MMS22L: variants seen among roughly 807,000 people sequenced by gnomAD.
MMS22L encodes protein MMS22-like.
Under a neutral mutation model 159.1 loss-of-function variants are expected in MMS22L, and 74 were observed. That is an observed-to-expected ratio of 0.47 (90% CI 0.39 to 0.56). MMS22L has a LOEUF of 0.56. Among genes scored for constraint, MMS22L ranks in the 20% least tolerant of loss-of-function variants. The pLI, the probability that MMS22L is intolerant of heterozygous loss-of-function variation, is 0.00. For missense variants in MMS22L, 1,351 were observed against 1,422.1 expected (o/e 0.95, Z 0.80); for synonymous variants, 517 against 506.9 (o/e 1.02, Z -0.27).
At chr6:97,233,614 G>C (rs1811093848) in intron 12 of MMS22L, among the ~76,000 whole-genome samples, 1 of 152,052 alleles carries the variant, frequency 6.6e-6, no homozygotes, top group Non-Finnish European at 1.5e-5. Flanking sequence ...ATAAATATCT[G>C]ATACATTTTA....
intron 14 of MMS22L, among the ~76,000 whole-genome samples, chr6:97,194,269 G>T (rs113999159): frequency 5.7e-4 from 86 of 151,496 alleles, no homozygotes; most frequent in African/African-American, 2.0e-3. Flanking sequence ...TGTTGGCCAC[G>T]ATGGTCTTGA....
intron 10 of MMS22L, among the ~76,000 whole-genome samples, chr6:97,249,419 G>A (rs1036901182): frequency 4.6e-5 from 7 of 152,132 alleles, no homozygotes; most frequent in African/African-American, 7.2e-5. Context: ...ACCTAAGGTC[G>A]TTTTGGGAAC....
At chr6:97,211,062 T>C (rs1397385637) in intron 14 of MMS22L, among the ~76,000 whole-genome samples, 2 of 152,004 alleles carry the variant, frequency 1.3e-5, no homozygotes, top group African/African-American at 4.8e-5. Flanking sequence ...CATTTTCATG[T>C]ACACAAGAGT....
chr6:97,256,915 C>A (rs778835860), intron 9 of MMS22L, among the ~76,000 whole-genome samples: 8 of 152,084 alleles, frequency 5.3e-5, no homozygotes, highest in Non-Finnish European at 1.2e-4. Flanking sequence ...CTACTGCACT[C>A]CAGACTGGGT....
intron 22 of MMS22L, among the ~76,000 whole-genome samples, chr6:97,153,937 G>A (rs1418574563): frequency 1.3e-5 from 2 of 152,058 alleles, no homozygotes; most frequent in African/African-American, 4.8e-5. Context: ...ACAAGTTTCT[G>A]TGTGGACATA....
intron 22 of MMS22L, among the ~76,000 whole-genome samples, chr6:97,155,450 C>T (rs1196376874): frequency 6.6e-6 from 1 of 152,172 alleles, no homozygotes; most frequent in Non-Finnish European, 1.5e-5. Context: ...TCTCCTAATG[C>T]TCTCCCTCCC....
At chr6:97,185,919 T>C (rs1390526031) in intron 15 of MMS22L, among the ~76,000 whole-genome samples, 1 of 152,106 alleles carries the variant, frequency 6.6e-6, no homozygotes. Context: ...AGAAATGATA[T>C]ATATGCGCAT....
At chr6:97,245,893 AT>A in intron 11 of MMS22L, 2 of 113,750 alleles carry the variant, frequency 1.8e-5, no homozygotes, top group South Asian at 6.1e-5. Flanking sequence ...ACACACACAT[AT>A]AAAGCAATAT....
At chr6:97,252,061 C>A (rs1196887046) in intron 10 of MMS22L, among the ~76,000 whole-genome samples, 1 of 147,388 alleles carries the variant, frequency 6.8e-6, no homozygotes, top group African/African-American at 2.5e-5. Flanking sequence ...CCAGCCTGGG[C>A]GACAGAGCGA....
chr6:97,213,363 G>A (rs571906594), intron 14 of MMS22L, among the ~76,000 whole-genome samples: 3 of 152,164 alleles, frequency 2.0e-5, no homozygotes, highest in South Asian at 2.1e-4. Flanking sequence ...CCAAGATCAC[G>A]CCATTGTACT....
intron 11 of MMS22L, among the ~76,000 whole-genome samples, chr6:97,240,650 G>C (rs1363442234): frequency 6.8e-6 from 1 of 147,730 alleles, no homozygotes; most frequent in African/African-American, 2.5e-5. Context: ...TTTTGAGACA[G>C]AGTTTTGCTC....
rs1800865756 is a variant in MMS22L at position 97,145,057 on chromosome 6, C to CACAA, written c.*1748_*1749insTTGT. ...ACACACACACACACACACACACACA[C>CACAA]ACACACACAAAAACACATATACACA... On this transcript the variant is annotated 3_prime_UTR_variant, in exon 25 of 25. Transcript: ENST00000683635. 1 of 146,508 alleles carries CACAA rather than the reference C, an allele frequency of 6.8e-6. No homozygotes were observed. The highest frequency in any genetic ancestry group is 2.1e-4 in the South Asian group (1 of 4,694). 9.1% of individuals were successfully genotyped at this position (146,508 alleles called of 1,614,324 possible).
intron 11 of MMS22L, among the ~76,000 whole-genome samples, chr6:97,245,745 T>C (rs1486143103): frequency 6.6e-6 from 1 of 152,028 alleles, no homozygotes; most frequent in African/African-American, 2.4e-5. Context: ...ATTCATATTA[T>C]AACTAAATGC....
intron 11 of MMS22L, among the ~76,000 whole-genome samples, chr6:97,241,905 G>A (rs763208687): frequency 2.6e-5 from 4 of 152,068 alleles, no homozygotes; most frequent in South Asian, 4.1e-4. Context: ...CCACGTATTT[G>A]TATAGTTTTC....
chr6:97,154,639 CA>C (rs991009928), intron 22 of MMS22L, among the ~76,000 whole-genome samples: 10 of 152,112 alleles, frequency 6.6e-5, no homozygotes, highest in Non-Finnish European at 1.3e-4. Flanking sequence ...TGGTAGGAAA[CA>C]AGGGTCCAAC....
intron 19 of MMS22L, among the ~76,000 whole-genome samples, chr6:97,171,909 CA>C (rs1213988432): frequency 6.6e-6 from 1 of 152,098 alleles, no homozygotes; most frequent in Non-Finnish European, 1.5e-5. Context: ...TAATTCCTAA[CA>C]AATAAATGGG....
chr6:97,204,117 G>C (rs907676390), intron 14 of MMS22L, among the ~76,000 whole-genome samples: 7 of 152,044 alleles, frequency 4.6e-5, no homozygotes, highest in African/African-American at 1.7e-4. Flanking sequence ...AGAAAAAGTT[G>C]TTGTTGTTTA....
Position 97,273,050 on chromosome 6 carries a change from G to A in MMS22L, c.353C>T (p.Thr118Ile), listed in dbSNP as rs775834570. Reference protein sequence around the residue: ...QSSCDFGKVSTLHCKADNIRQ... With the variant: ...QSSCDFGKVSILHCKADNIRQ... Reference sequence around the variant, plus strand: ...AATATTGTCTGCTTTGCAGTGTAGAGTTGATACCTTCCCTGAAACCAAAAT... The same window carrying A: ...AATATTGTCTGCTTTGCAGTGTAGAATTGATACCTTCCCTGAAACCAAAAT... The change falls in exon 5 of 25, where the codon ACT becomes ATT. Residue 118 changes from threonine to isoleucine, a missense_variant. Thr to Ile is a moderately conservative substitution (Grantham distance 89). Transcript: ENST00000683635. The A allele has an allele frequency of 6.2e-7, 1 of 1,606,422 alleles. No homozygotes were observed. Among genetic ancestry groups the A allele is most frequent in the African/African-American group, 1.3e-5 (1 of 74,590 alleles).
chr6:97,183,809 CTTTG>C (rs1804954391), intron 15 of MMS22L, among the ~76,000 whole-genome samples: 2 of 152,146 alleles, frequency 1.3e-5, no homozygotes, highest in South Asian at 4.1e-4. Flanking sequence ...ACAAAAGTGA[CTTTG>C]TTTGTACCAT....
Sources: allele counts gnomAD v4.1 joint callset (sites outside exome capture counted in the v4.1 genomes callset), GRCh38; gene constraint gnomAD v4.1.1; transcripts MANE v1.5; gene names NCBI Gene and HGNC (gene_info 2026-07-23, HGNC 2026-07-21).